Variants in COL5A1 observed in about 807,000 individuals in gnomAD.
COL5A1 encodes collagen alpha-1(V) chain.
A neutral mutation model predicts 263.7 loss-of-function variants in COL5A1; 16 were observed. The observed-to-expected ratio is 0.06, with a 90% CI of 0.04 to 0.09. COL5A1 has a LOEUF of 0.09. Ranked by LOEUF, COL5A1 falls within the 10% of genes least tolerant of loss-of-function variation. The pLI is 1.00. For missense variants in COL5A1, 2,036 were observed against 2,540.5 expected (o/e 0.80, Z 4.27); for synonymous variants, 1,012 against 1,004.5 (o/e 1.01, Z -0.14).
chr9:134,832,176 C>T (rs1470649163), intron 64 of COL5A1, among the ~76,000 whole-genome samples: 9 of 152,118 alleles, frequency 5.9e-5, no homozygotes, highest in African/African-American at 1.2e-4. Context: ...GAGGCTGAGG[C>T]GGATGGATCA....
Position 134,818,166 on chromosome 9 carries a change from C to G in COL5A1, c.4230+335C>G, listed in dbSNP as rs771560621. Among the ~76,000 whole-genome samples the G allele has an allele frequency of 6.6e-6, 1 of 152,184 alleles. No individual in the cohort carries two copies. Among genetic ancestry groups the G allele is most frequent in the Admixed American group, 6.5e-5 (1 of 15,284 alleles). On this transcript the variant is annotated intron_variant, in intron 54 of 65. Transcript: ENST00000371817. The surrounding 1 kb of genome is among the most constrained non-coding windows in gnomAD (Gnocchi z 6.0). ...GTCTTTGAGTCGGCCAGACCTGAGC[C>G]GCCTACCTCTGAAGTGGACCGTGTC...
intron 58 of COL5A1, 121 bp downstream of exon 58, chr9:134,820,344 T>C: frequency 1.3e-6 from 1 of 760,012 alleles, no homozygotes; most frequent in Non-Finnish European, 2.3e-6. Context: ...GTCGGTTGAG[T>C]CCGGTCATCC....
chr9:134,714,213 G>C (rs571417799), intron 4 of COL5A1, among the ~76,000 whole-genome samples: 12 of 152,082 alleles, frequency 7.9e-5, no homozygotes, highest in African/African-American at 2.9e-4. Context: ...AGGCATGTTC[G>C]GGAAAGGCTG....
chr9:134,717,299 G>A (rs886691115), intron 4 of COL5A1, among the ~76,000 whole-genome samples: 3 of 152,234 alleles, frequency 2.0e-5, no homozygotes, highest in African/African-American at 4.8e-5. Flanking sequence ...GCTGATGATG[G>A]CACTGTACTT....
chr9:134,751,609 A>C (rs1228422454), intron 13 of COL5A1, among the ~76,000 whole-genome samples: 1 of 120,838 alleles, frequency 8.3e-6, no homozygotes, highest in Non-Finnish European at 1.6e-5. Context: ...TTTTCTGTAG[A>C]CTTGGCTCCG....
At chr9:134,720,070 C>G (rs1025538037) in intron 4 of COL5A1, among the ~76,000 whole-genome samples, 6 of 152,292 alleles carry the variant, frequency 3.9e-5, no homozygotes, top group Admixed American at 1.3e-4. Flanking sequence ...GCAGCTGCAG[C>G]TAAGAAATTC....
chr9:134,815,323 C>T (rs1161929980), intron 50 of COL5A1, among the ~76,000 whole-genome samples: 1 of 152,250 alleles, frequency 6.6e-6, no homozygotes, highest in African/African-American at 2.4e-5. Context: ...ACGCCTGCCC[C>T]TTGCTTGGCT....
At chr9:134,811,449 G>A (rs774215430) in intron 45 of COL5A1, 43 bp from the exon 46 acceptor site, 33 of 1,613,370 alleles carry the variant, frequency 2.0e-5, no homozygotes, top group Middle Eastern at 1.7e-4. Context: ...AGAGCTGCTG[G>A]CATTGCCAGC....
chr9:134,775,950 C>G (rs994110513), intron 27 of COL5A1, among the ~76,000 whole-genome samples: 1 of 152,216 alleles, frequency 6.6e-6, no homozygotes, highest in Admixed American at 6.5e-5. Context: ...CTGACTCTGG[C>G]TGGTCACCCC....
Position 134,670,568 on chromosome 9 carries a change from G to A in COL5A1, c.110-20344G>A, listed in dbSNP as rs1022584695. Among the ~76,000 whole-genome samples the A allele has an allele frequency of 3.9e-5, 6 of 152,132 alleles. No homozygotes were observed. The South Asian group carries it at 8.3e-4, about 21-fold the overall frequency. ...TGATTGTTTCCTGGGCCTGTGGCAC[G>A]TCTTGGAGACCCTTTTAGGCAAGCC... is the stretch of plus-strand genomic sequence containing the variant. On this transcript the variant is annotated intron_variant, in intron 1 of 65. Coordinates refer to ENST00000371817, the MANE Select transcript of COL5A1 (RefSeq NM_000093.5).
chr9:134,828,441 C>G (rs554592200), intron 63 of COL5A1, among the ~76,000 whole-genome samples: 20 of 147,900 alleles, frequency 1.4e-4, no homozygotes, highest in African/African-American at 4.2e-4. Context: ...TTCTACCACA[C>G]ACACACACAC....
In COL5A1 at chr9:134,654,638, G is replaced by T. The variant is rs1161138821; in HGVS notation, c.109+12342G>T. Among the ~76,000 whole-genome samples, 8 of 135,724 alleles carry T rather than the reference G, an allele frequency of 5.9e-5. No homozygotes were observed. In the South Asian group the frequency reaches 1.3e-3, roughly 22 times the overall value. The allele number at this position is 135,724 out of a possible 152,430, so 89.0% of individuals were successfully genotyped here. A position where few individuals can be genotyped will look rare whatever the true frequency, so the allele number is the denominator to read the frequency against. ...GTGTGTAGGGCTGGGGGTGTGTAGG[G>T]CTGGAGGTGTGTAGGGCTGGTGTGT... On this transcript the variant is annotated intron_variant, in intron 1 of 65. Coordinates refer to ENST00000371817, the MANE Select transcript of COL5A1 (RefSeq NM_000093.5).
chr9:134,701,079 C>A, intron 3 of COL5A1, 92 bp from the exon 4 acceptor site: 1 of 1,339,124 alleles, frequency 7.5e-7, no homozygotes, highest in Non-Finnish European at 1.1e-6. Context: ...AGGAAGTGGG[C>A]CTTCTTCCTG....
chr9:134,779,084 G>A (rs976024816), intron 27 of COL5A1, among the ~76,000 whole-genome samples: 7 of 152,238 alleles, frequency 4.6e-5, no homozygotes, highest in African/African-American at 1.2e-4. Flanking sequence ...GAGGGCAGCC[G>A]GCAGGCCCTG....
chr9:134,776,505 C>T (rs1380952508), intron 27 of COL5A1, among the ~76,000 whole-genome samples: 4 of 152,178 alleles, frequency 2.6e-5, no homozygotes, highest in Non-Finnish European at 4.4e-5. Flanking sequence ...TTATTTTCAT[C>T]GGGGAAAAAG....
chr9:134,824,141 C>T (rs1839153223), intron 61 of COL5A1, among the ~76,000 whole-genome samples: 1 of 152,174 alleles, frequency 6.6e-6, no homozygotes, highest in Non-Finnish European at 1.5e-5. Context: ...TGGAGTCTCT[C>T]CAACTCCCAT....
At chr9:134,731,873 T>C (rs908430386) in intron 8 of COL5A1, among the ~76,000 whole-genome samples, 198 bp from the exon 9 acceptor site, 1 of 152,214 alleles carries the variant, frequency 6.6e-6, no homozygotes, top group Non-Finnish European at 1.5e-5. Context: ...CCTCTGGGCC[T>C]GTTTCTTCGT....
intron 32 of COL5A1, among the ~76,000 whole-genome samples, chr9:134,792,910 CGTGTGTGTGCGCAT>C (rs1383093305): frequency 9.7e-5 from 3 of 30,964 alleles, no homozygotes; most frequent in East Asian, 4.4e-4. Flanking sequence ...TGTGCACGCG[CGTGTGTGTGCGCAT>C]GTGTATGTGT....
At chr9:134,645,295 C>T (rs925145535) in intron 1 of COL5A1, among the ~76,000 whole-genome samples, 10 of 152,338 alleles carry the variant, frequency 6.6e-5, no homozygotes, top group East Asian at 1.9e-4. Flanking sequence ...TGGTGCTGCC[C>T]GTCCCGCCCT....
Sources: allele counts gnomAD v4.1 joint callset (sites outside exome capture counted in the v4.1 genomes callset), GRCh38; gene constraint gnomAD v4.1.1; non-coding constraint Gnocchi (gnomAD v3.1); transcripts MANE v1.5; gene names NCBI Gene and HGNC (gene_info 2026-07-23, HGNC 2026-07-21).